Variants in KCTD3 observed in about 807,000 individuals in gnomAD.
KCTD3 encodes BTB/POZ domain-containing protein KCTD3.
A neutral mutation model predicts 85.8 loss-of-function variants in KCTD3; 41 were observed. That is an observed-to-expected ratio of 0.48 (90% confidence interval 0.37 to 0.62). The LOEUF (loss-of-function observed/expected upper bound fraction) is 0.62. Ranked by LOEUF, KCTD3 falls within the 20% of genes least tolerant of loss-of-function variation. The pLI, the probability that KCTD3 is intolerant of heterozygous loss-of-function variation, is 0.00. For synonymous variants in KCTD3, 338 were observed against 345.4 expected, an observed-to-expected ratio of 0.98 and a Z score of 0.24; for missense variants, 724 against 989.9, an observed-to-expected ratio of 0.73 and a Z score of 3.60.
At chr1:215,599,315 G>T (rs1209921654) in intron 10 of KCTD3, among the ~76,000 whole-genome samples, 1 of 152,114 alleles carries the variant, frequency 6.6e-6, no homozygotes, top group African/African-American at 2.4e-5. Flanking sequence ...AAATACGATG[G>T]TAAATTTAGA....
intron 9 of KCTD3, 58 bp downstream of exon 9, chr1:215,586,743 A>G: frequency 7.1e-7 from 1 of 1,400,116 alleles, no homozygotes; most frequent in African/African-American, 1.4e-5. Context: ...GAAGTTTATA[A>G]AAGAGATTGA....
At chr1:215,599,103 A>C (rs1332287318) in intron 10 of KCTD3, among the ~76,000 whole-genome samples, 1 of 152,238 alleles carries the variant, frequency 6.6e-6, no homozygotes, top group Non-Finnish European at 1.5e-5. Flanking sequence ...GACAACGGGC[A>C]TTCTCCAAAT....
At chr1:215,567,868 G>C (rs1443047981) in intron 1 of KCTD3, 100 bp downstream of exon 1, 2 of 842,784 alleles carry the variant, frequency 2.4e-6, no homozygotes, top group African/African-American at 3.5e-5. Flanking sequence ...GGCGAGCGTG[G>C]GAGGCCAAGC....
At chr1:215,581,195 G>A (rs2102563063) in intron 8 of KCTD3, 1 of 214,980 alleles carries the variant, frequency 4.7e-6, no homozygotes, top group South Asian at 5.5e-5. Context: ...GCAGTGAGCT[G>A]ATAGCTCACC....
Position 215,575,935 on chromosome 1 carries a change from C to T in KCTD3, c.218C>T (p.Pro73Leu). 6.4e-7 allele frequency: 1 copy of T among 1,564,994 alleles called. No individual in the cohort carries two copies. Among genetic ancestry groups the T allele is most frequent in the Non-Finnish European group, 8.7e-7 (1 of 1,152,526 alleles). Residue 73 changes from proline (P) to leucine (L), a missense_variant, in exon 4 of 18, where the codon CCC becomes CTC. Physicochemically the swap from Pro to Leu is moderately conservative, Grantham distance 98. Coordinates refer to ENST00000259154, the MANE Select transcript of KCTD3 (RefSeq NM_016121.5). ...GATAGAGATCCAGCAGCATTTGCAC[C>T]CATTTTAAATTTTCTTCGGACAAAA... is the stretch of plus-strand genomic sequence containing the variant. ...FIDRDPAAFAPILNFLRTKEL... is the reference protein window; with the variant it reads ...FIDRDPAAFALILNFLRTKEL...
intron 8 of KCTD3, among the ~76,000 whole-genome samples, chr1:215,581,676 A>G (rs984508147): frequency 6.6e-6 from 1 of 152,198 alleles, no homozygotes; most frequent in African/African-American, 2.4e-5. Flanking sequence ...TTGCGTTTGC[A>G]TTGATCACGA....
At chr1:215,569,974 G>A (rs1253970619) in intron 1 of KCTD3, among the ~76,000 whole-genome samples, 2 of 152,116 alleles carry the variant, frequency 1.3e-5, no homozygotes. Context: ...CATATTCTAA[G>A]AATATTTTCT....
chr1:215,596,530 G>T (rs886134938), intron 10 of KCTD3, among the ~76,000 whole-genome samples: 1 of 152,132 alleles, frequency 6.6e-6, no homozygotes, highest in Non-Finnish European at 1.5e-5. Context: ...ACAACCAAGA[G>T]CCAAAGGGAC....
At chr1:215,580,493 A>G (rs1002954300) in intron 8 of KCTD3, among the ~76,000 whole-genome samples, 26 of 152,338 alleles carry the variant, frequency 1.7e-4, no homozygotes, top group Admixed American at 3.9e-4. Context: ...TGAAACTTAC[A>G]AAGAAGTAGT....
intron 9 of KCTD3, 103 bp downstream of exon 9, chr1:215,586,788 A>C (rs913512704): frequency 2.3e-6 from 2 of 868,356 alleles, no homozygotes; most frequent in African/African-American, 3.4e-5. Context: ...ACTGTCAGTT[A>C]GCTAGAGCTG....
At chr1:215,610,023 T>G (rs571287994) in intron 14 of KCTD3, among the ~76,000 whole-genome samples, 14 of 152,100 alleles carry the variant, frequency 9.2e-5, no homozygotes, top group Non-Finnish European at 1.8e-4. Context: ...AACAGCCCTG[T>G]AAATTAATTA....
chr1:215,590,349 A>T (rs989635302), intron 9 of KCTD3, among the ~76,000 whole-genome samples: 1 of 152,168 alleles, frequency 6.6e-6, no homozygotes, highest in African/African-American at 2.4e-5. Flanking sequence ...AACCAAGGAA[A>T]TCTTATCCAC....
chr1:215,588,559 C>G (rs1477863184), intron 9 of KCTD3, among the ~76,000 whole-genome samples: 5 of 152,056 alleles, frequency 3.3e-5, no homozygotes. Flanking sequence ...TTTTACCAAA[C>G]GTTGCTTTGC....
intron 9 of KCTD3, among the ~76,000 whole-genome samples, chr1:215,594,240 AAG>A (rs1262998048): frequency 6.6e-6 from 1 of 152,184 alleles, no homozygotes; most frequent in East Asian, 1.9e-4. Context: ...AGAACCAAAA[AAG>A]TGGCAAACAA....
chr1:215,607,836 CAAGGTAA>C (rs1246619404), intron 13 of KCTD3, among the ~76,000 whole-genome samples, 174 bp from the exon 14 acceptor site: 1 of 151,820 alleles, frequency 6.6e-6, no homozygotes, highest in African/African-American at 2.4e-5. Flanking sequence ...TATTTTGCAG[CAAGGTAA>C]AACATCCAGT....
At chr1:215,572,850 T>C (rs1166477322) in intron 1 of KCTD3, among the ~76,000 whole-genome samples, 1 of 152,198 alleles carries the variant, frequency 6.6e-6, no homozygotes, top group Non-Finnish European at 1.5e-5. Context: ...TTTCATATAA[T>C]GCCAGAAAAT....
intron 10 of KCTD3, among the ~76,000 whole-genome samples, chr1:215,598,151 G>A (rs1417707632): frequency 1.3e-5 from 2 of 151,984 alleles, no homozygotes; most frequent in African/African-American, 4.8e-5. Context: ...AGCAAAAGTA[G>A]GAGGCATGAT....
intron 13 of KCTD3, among the ~76,000 whole-genome samples, chr1:215,605,757 C>T (rs1654995421): frequency 6.6e-6 from 1 of 152,078 alleles, no homozygotes; most frequent in Non-Finnish European, 1.5e-5. Context: ...TTGATTTCTC[C>T]CTTTCTTTCA....
In KCTD3 at chr1:215,619,219, G is replaced by T. The variant is rs149258039; in HGVS notation, c.1814G>T (p.Arg605Leu). 1.9e-6 allele frequency: 3 copies of T among 1,613,738 alleles called. No homozygotes were observed. The highest frequency in any genetic ancestry group is 2.5e-6 in the Non-Finnish European group (3 of 1,179,788). The part of the protein sequence containing the change: ...LLDQCDLSTS[R>L]CATPNISPAT... ...GATCAATGTGATTTGAGCACATCTCGCTGTGCTACTCCTAACATCAGTCCA... is the reference window on the plus strand; with the variant it reads ...GATCAATGTGATTTGAGCACATCTCTCTGTGCTACTCCTAACATCAGTCCA... Residue 605 changes from arginine to leucine, a missense_variant, in exon 17 of 18, where the codon CGC becomes CTC. Arg to Leu is a moderately radical substitution (Grantham distance 102). Around this residue, in one of 6 missense-constraint regions of KCTD3, gnomAD observed 136 missense variants for 197.6 expected, o/e 0.69. Coordinates refer to ENST00000259154, the MANE Select transcript of KCTD3 (RefSeq NM_016121.5).
Sources: gnomAD v4.1 joint callset for allele counts (sites outside exome capture counted in the v4.1 genomes callset) on GRCh38, gnomAD v4.1.1 for gene constraint, gnomAD v4.1.1 regional missense constraint, MANE v1.5 for transcripts, NCBI Gene and HGNC (gene_info 2026-07-23, HGNC 2026-07-21) for gene names.